SLC26A9: variants seen among roughly 807,000 people sequenced by gnomAD.
SLC26A9 encodes the protein solute carrier family 26 member 9, also known as anion transporter/exchanger protein 9.
Under a neutral mutation model 87.1 loss-of-function variants are expected in SLC26A9, and 46 were observed. The ratio of observed to expected loss-of-function variants is 0.53; its 90% CI spans 0.42 to 0.67. The LOEUF (loss-of-function observed/expected upper bound fraction) is 0.67. Among genes scored for constraint, SLC26A9 ranks in the 30% least tolerant of loss-of-function variants. SLC26A9 has a pLI of 0.00. For missense variants in SLC26A9, 927 were observed against 1,018.3 expected (o/e 0.91, Z 1.22); for synonymous variants, 437 against 409.1 (o/e 1.07, Z -0.82).
chr1:205,929,212 T>C lies in SLC26A9; in HGVS notation c.862A>G (p.Met288Val). ...CTGAACAAGGTCCTTACCACAATCA[T>C]CTCTGTAGGGATGGGGAAGCGAATC... ...HKIRFPIPTEMIVVVVATAIS... is the reference protein window; with the variant it reads ...HKIRFPIPTEVIVVVVATAIS... Residue 288 changes from methionine (M) to valine (V), a missense_variant, in exon 7 of 21, where the codon ATG becomes GTG. Met to Val is a conservative substitution (Grantham distance 21). Coordinates refer to ENST00000367135, the MANE Select transcript of SLC26A9 (RefSeq NM_052934.4). 6.2e-7 allele frequency: 1 copy of C among 1,613,972 alleles called. No homozygotes were observed. Among genetic ancestry groups the C allele is most frequent in the Non-Finnish European group, 8.5e-7 (1 of 1,179,954 alleles).
rs755553586 is a variant in SLC26A9 at position 205,935,806 on chromosome 1, C to A, written c.15G>T (p.Arg5Ser). 1.1e-5 allele frequency: 18 copies of A among 1,613,444 alleles called. No individual in the cohort carries two copies. Among genetic ancestry groups the A allele is most frequent in the African/African-American group, 4.0e-5 (3 of 74,860 alleles). The change falls in exon 2 of 21, where the codon AGG (arginine) becomes AGT (serine). Residue 5 changes from arginine to serine, a missense_variant. Coordinates refer to ENST00000367135, the MANE Select transcript of SLC26A9 (RefSeq NM_052934.4). ...CGGCTCTGTCTACCACGTAGCGGGG[C>A]CTGGGCTGGCTCATATCTGGGGCAT... MSQP[R>S]PRYVVDRAAY...
At chr1:205,937,627 A>T (rs1659561984) in intron 1 of SLC26A9, among the ~76,000 whole-genome samples, 1 of 152,192 alleles carries the variant, frequency 6.6e-6, no homozygotes, top group South Asian at 2.1e-4. Context: ...TATGATTAAG[A>T]TGGGAGGGTG....
intron 9 of SLC26A9, 37 bp from the exon 10 acceptor site, chr1:205,927,642 G>A (rs754940716): frequency 1.3e-6 from 2 of 1,588,520 alleles, no homozygotes; most frequent in Non-Finnish European, 1.7e-6. Context: ...CCAGTGTGGG[G>A]CTGGGGGGCA....
At chr1:205,925,150 C>T (rs900327449) in intron 12 of SLC26A9, among the ~76,000 whole-genome samples, 5 of 152,202 alleles carry the variant, frequency 3.3e-5, no homozygotes, top group African/African-American at 1.2e-4. Flanking sequence ...ATGCCTACTT[C>T]ATGAAAGGAT....
chr1:205,942,195 G>A (rs1659775878), intron 1 of SLC26A9, among the ~76,000 whole-genome samples: 1 of 152,236 alleles, frequency 6.6e-6, no homozygotes, highest in African/African-American at 2.4e-5. Context: ...CTCTGCCCCA[G>A]GGTTTATACA....
intron 2 of SLC26A9, among the ~76,000 whole-genome samples, chr1:205,934,488 G>A (rs1659429952): frequency 6.6e-6 from 1 of 152,182 alleles, no homozygotes; most frequent in African/African-American, 2.4e-5. Flanking sequence ...CAAGTCTGCT[G>A]TATGTTGGGC....
chr1:205,940,249 G>T (rs1659683629), intron 1 of SLC26A9, among the ~76,000 whole-genome samples: 1 of 152,162 alleles, frequency 6.6e-6, no homozygotes, highest in African/African-American at 2.4e-5. Flanking sequence ...AGAGAAAATA[G>T]ACCCTGCAGG....
chr1:205,934,538 G>T (rs1025214880), intron 2 of SLC26A9, among the ~76,000 whole-genome samples: 1 of 152,208 alleles, frequency 6.6e-6, no homozygotes, highest in South Asian at 2.1e-4. Flanking sequence ...GGAAACAGAG[G>T]CTGAGAGGGA....
At position 205,928,907 on chromosome 1, in the gene SLC26A9, C is replaced by A; in HGVS notation, c.873G>T (p.Val291=). 1 of 1,614,164 alleles carries A rather than the reference C, an allele frequency of 6.2e-7. No homozygotes were observed. Among genetic ancestry groups the A allele is most frequent in the East Asian group, 2.2e-5 (1 of 44,878 alleles). ...RFPIPTEMIV[V]VVATAISGGC... ...CCCCGGAGATAGCTGTTGCCACCACCACCTGCAAACCCCAGAGTGGAGAAT... is the reference window on the plus strand; with the variant it reads ...CCCCGGAGATAGCTGTTGCCACCACAACCTGCAAACCCCAGAGTGGAGAAT... The change falls in exon 8 of 21, where the codon GTG becomes GTT. Residue 291 remains valine, a splice_region_variant and synonymous_variant. Coordinates refer to ENST00000367135, the MANE Select transcript of SLC26A9 (RefSeq NM_052934.4).
Position 205,918,964 on chromosome 1 carries a change from C to T in SLC26A9, c.2132G>A (p.Ser711Asn). Residue 711 changes from serine (S) to asparagine (N), a missense_variant, in exon 19 of 21, where the codon AGC becomes AAC. Coordinates refer to ENST00000367135, the MANE Select transcript of SLC26A9 (RefSeq NM_052934.4). The stretch of plus-strand genomic sequence containing the variant: ...CCCATCCTCAAAGACGCCTCCATGG[C>T]TAATGTCATTGTACACCTGGGCTAG... Reference protein sequence around the residue: ...NIHAQVYNDISHGGVFEDGSL... With the variant: ...NIHAQVYNDINHGGVFEDGSL... The T allele has an allele frequency of 6.2e-7, 1 of 1,614,178 alleles. No individual in the cohort carries two copies. Among genetic ancestry groups the T allele is most frequent in the Non-Finnish European group, 8.5e-7 (1 of 1,180,016 alleles).
intron 19 of SLC26A9, among the ~76,000 whole-genome samples, chr1:205,918,548 C>A (rs1024073456): frequency 2.0e-4 from 30 of 152,072 alleles, no homozygotes; most frequent in Non-Finnish European, 1.3e-4. Context: ...GTTTGTGCAA[C>A]CAGAAAACTT....
At chr1:205,939,555 G>A (rs111264511) in intron 1 of SLC26A9, among the ~76,000 whole-genome samples, 1 of 152,150 alleles carries the variant, frequency 6.6e-6, no homozygotes, top group Non-Finnish European at 1.5e-5. Flanking sequence ...GGTTGAGGTG[G>A]GGTGGGACGT....
At chr1:205,941,385 T>C (rs1245524778) in intron 1 of SLC26A9, among the ~76,000 whole-genome samples, 1 of 152,176 alleles carries the variant, frequency 6.6e-6, no homozygotes, top group Non-Finnish European at 1.5e-5. Flanking sequence ...TTGGCCAGCC[T>C]GGTCTCGAAC....
intron 5 of SLC26A9, 42 bp from the exon 6 acceptor site, chr1:205,930,098 TGG>T: frequency 1.9e-6 from 3 of 1,562,462 alleles, no homozygotes; most frequent in East Asian, 2.3e-5. Flanking sequence ...AAGACCAATG[TGG>T]TTCAGCAGTT....
intron 5 of SLC26A9, among the ~76,000 whole-genome samples, chr1:205,931,557 C>T (rs1320186164): frequency 6.7e-6 from 1 of 148,422 alleles, no homozygotes; most frequent in Non-Finnish European, 1.5e-5. Flanking sequence ...ACCTCTGCCT[C>T]CCGGATTCAA....
chr1:205,935,785 TCTGTCTACCACGTAGCGGGGC>T lies in SLC26A9; in HGVS notation c.15_35del (p.Pro6_Arg12del). The T allele has an allele frequency of 6.2e-7, 1 of 1,613,950 alleles. No individual in the cohort carries two copies. Reference sequence around the variant, plus strand: ...CGAAGAGGGTAAGGGAGTATGCGGCTCTGTCTACCACGTAGCGGGGCCTGGGCTGGCTCATATCTGGGGCAT... The same window carrying T: ...CGAAGAGGGTAAGGGAGTATGCGGCTCTGGGCTGGCTCATATCTGGGGCAT... On this transcript the variant is annotated inframe_deletion, in exon 2 of 21. Coordinates refer to ENST00000367135, the MANE Select transcript of SLC26A9 (RefSeq NM_052934.4).
At position 205,917,364 on chromosome 1, in the gene SLC26A9, A is replaced by C; in HGVS notation, c.2257-10T>G. On this transcript the variant is annotated splice_polypyrimidine_tract_variant and intron_variant, in intron 19 of 20. Coordinates refer to ENST00000367135, the MANE Select transcript of SLC26A9 (RefSeq NM_052934.4). The stretch of plus-strand genomic sequence containing the variant: ...CAGCATCCCCTGGAGCCTGGAAGGG[A>C]GGAAGCCAGTGCAGAATGAGCTTCA... 1 of 1,613,962 alleles carries C rather than the reference A, an allele frequency of 6.2e-7. No homozygotes were observed. The highest frequency in any genetic ancestry group is 8.5e-7 in the Non-Finnish European group (1 of 1,179,912).
At chr1:205,929,836 C>T (rs1414503811) in intron 6 of SLC26A9, 56 bp downstream of exon 6, 8 of 1,532,674 alleles carry the variant, frequency 5.2e-6, no homozygotes, top group Non-Finnish European at 7.1e-6. Flanking sequence ...AGTACATCCT[C>T]CTCATGTGTC....
intron 5 of SLC26A9, among the ~76,000 whole-genome samples, chr1:205,931,465 G>GCTTTTTTTTTTTTTT (rs1553270525): frequency 2.1e-5 from 2 of 96,012 alleles, no homozygotes; most frequent in Non-Finnish European, 2.0e-5. Flanking sequence ...CCCTAACTTG[G>GCTTTTTTTTTTTTTT]TTTTTTTTTT....
Sources: allele counts gnomAD v4.1 joint callset (sites outside exome capture counted in the v4.1 genomes callset), GRCh38; gene constraint gnomAD v4.1.1; transcripts MANE v1.5; gene names NCBI Gene and HGNC (gene_info 2026-07-23, HGNC 2026-07-21).